The following IFT56 variants were observed in gnomAD, a reference collection of about 807,000 sequenced individuals.
The protein encoded by IFT56 is intraflagellar transport 56, also known as intraflagellar transport protein 56.
the IFT56 span, among the ~76,000 whole-genome samples, chr7:139,134,964 A>G: frequency 1.3e-5 from 2 of 152,168 alleles, no homozygotes; most frequent in African/African-American, 4.8e-5. Flanking sequence ...AGTTAGCTAT[A>G]AACCTGATAA....
At chr7:139,178,437 TG>T in the IFT56 span, 1 of 1,478,974 alleles carries the variant, frequency 6.8e-7, no homozygotes, top group Non-Finnish European at 9.4e-7. Context: ...AGGTTAGTTT[TG>T]TGTTTATCTG....
the IFT56 span, chr7:139,133,961 A>G: frequency 7.0e-7 from 1 of 1,427,910 alleles, no homozygotes; most frequent in Non-Finnish European, 9.9e-7. Flanking sequence ...GTGTGTCCGC[A>G]GAGAGTAATC....
chr7:139,184,088 A>G, the IFT56 span, among the ~76,000 whole-genome samples: 1 of 152,232 alleles, frequency 6.6e-6, no homozygotes, highest in South Asian at 2.1e-4. Flanking sequence ...TTGGCACCAT[A>G]GGGTGATTTA....
chr7:139,178,027 C>G, the IFT56 span, among the ~76,000 whole-genome samples: 1 of 152,108 alleles, frequency 6.6e-6, no homozygotes, highest in East Asian at 1.9e-4. Flanking sequence ...GATTATTGGT[C>G]ACTCTCAAGA....
At chr7:139,189,449 T>C in the IFT56 span, 1 of 1,537,546 alleles carries the variant, frequency 6.5e-7, no homozygotes, top group Non-Finnish European at 9.0e-7. Context: ...GCCAGCGTCC[T>C]AGGAACCAGC....
chr7:139,134,555 A>C, the IFT56 span: 4 of 1,344,942 alleles, frequency 3.0e-6, no homozygotes, highest in Non-Finnish European at 4.0e-6. Flanking sequence ...GGCATGAGCC[A>C]CTGTGCCCGG....
chr7:139,161,596 C>T, the IFT56 span, among the ~76,000 whole-genome samples: 3 of 152,188 alleles, frequency 2.0e-5, no homozygotes, highest in Admixed American at 6.5e-5. Context: ...TCATCTAATA[C>T]TACTGAGATT....
chr7:139,147,057 G>A, the IFT56 span: 3 of 1,581,296 alleles, frequency 1.9e-6, no homozygotes, highest in Non-Finnish European at 2.6e-6. Context: ...AAAGAAGGAA[G>A]AGTTAAAATC....
At chr7:139,175,478 C>T in the IFT56 span, among the ~76,000 whole-genome samples, 58 of 152,154 alleles carry the variant, frequency 3.8e-4, 1 homozygote, top group Non-Finnish European at 2.1e-4. Context: ...CTCTCAGCAT[C>T]CATCAACGGG....
At chr7:139,134,033 C>A in the IFT56 span, among the ~76,000 whole-genome samples, 1 of 152,332 alleles carries the variant, frequency 6.6e-6, no homozygotes, top group East Asian at 1.9e-4. Context: ...TCGGTGCTTT[C>A]TTCCCTCCTG....
the IFT56 span, chr7:139,139,932 G>T: frequency 6.2e-7 from 1 of 1,613,020 alleles, no homozygotes; most frequent in Non-Finnish European, 8.5e-7. Context: ...TAATTCTGAA[G>T]TCTGGGTGAA....
the IFT56 span, among the ~76,000 whole-genome samples, chr7:139,160,413 A>T: frequency 1.3e-5 from 2 of 151,110 alleles, no homozygotes; most frequent in African/African-American, 4.9e-5. Context: ...GCTGCTTAGT[A>T]TAAGTTTCAA....
At chr7:139,153,768 T>A in the IFT56 span, among the ~76,000 whole-genome samples, 1 of 152,256 alleles carries the variant, frequency 6.6e-6, no homozygotes, top group African/African-American at 2.4e-5. Flanking sequence ...ACCTCTTGCC[T>A]GTTACGAATG....
chr7:139,140,698 C>A, the IFT56 span, among the ~76,000 whole-genome samples: 2 of 142,760 alleles, frequency 1.4e-5, no homozygotes, highest in South Asian at 4.5e-4. Flanking sequence ...TCACTTGAAC[C>A]CGGGAGGCGG....
chr7:139,141,023 G>A, the IFT56 span, among the ~76,000 whole-genome samples: 25 of 151,260 alleles, frequency 1.7e-4, no homozygotes, highest in African/African-American at 4.9e-4. Context: ...CACTTTGGGA[G>A]GCCGAGGTGG....
the IFT56 span, among the ~76,000 whole-genome samples, chr7:139,166,596 C>T: frequency 6.6e-6 from 1 of 151,992 alleles, no homozygotes; most frequent in Non-Finnish European, 1.5e-5. Flanking sequence ...CATAGAATGC[C>T]TCATCCATGT....
chr7:139,138,345 T>G, the IFT56 span, among the ~76,000 whole-genome samples: 3 of 152,214 alleles, frequency 2.0e-5, no homozygotes, highest in Non-Finnish European at 4.4e-5. Context: ...TATCCATTAT[T>G]GGTGTTAATC....
chr7:139,188,620 G>A, the IFT56 span, among the ~76,000 whole-genome samples: 2 of 152,206 alleles, frequency 1.3e-5, no homozygotes, highest in South Asian at 4.1e-4. Flanking sequence ...TGGGGAAAAA[G>A]AAGTAGAAAA....
the IFT56 span, chr7:139,166,748 T>C: frequency 7.6e-6 from 5 of 660,218 alleles, no homozygotes; most frequent in Non-Finnish European, 1.4e-5. Context: ...CCCATGAATA[T>C]TTAAGTACTG....
Sources: allele counts gnomAD v4.1 joint callset (sites outside exome capture counted in the v4.1 genomes callset), GRCh38; gene constraint gnomAD v4.1.1; transcripts MANE v1.5; gene names NCBI Gene and HGNC (gene_info 2026-07-23, HGNC 2026-07-21).